SPATS2L: variants seen among roughly 807,000 people sequenced by gnomAD.
SPATS2L encodes the protein spermatogenesis associated serine rich 2 like, also known as SPATS2-like protein.
A neutral mutation model predicts 59.6 loss-of-function variants in SPATS2L; 30 were observed. The observed-to-expected ratio is 0.50, with a 90% confidence interval of 0.38 to 0.68. The LOEUF (loss-of-function observed/expected upper bound fraction) is 0.68, where lower values mean the gene tolerates loss of function less well. Among genes scored for constraint, SPATS2L ranks in the 30% least tolerant of loss-of-function variants. The pLI is 0.00. For synonymous variants in SPATS2L, 252 were observed against 263.5 expected (o/e 0.96, Z 0.42); for missense variants, 615 against 700.0 (o/e 0.88, Z 1.37).
At chr2:200,386,671 A>G (rs1447147189) in intron 2 of SPATS2L, among the ~76,000 whole-genome samples, 2 of 152,240 alleles carry the variant, frequency 1.3e-5, no homozygotes, top group Non-Finnish European at 2.9e-5. Context: ...TAGATTTCAC[A>G]TATCTGTAAT....
intron 3 of SPATS2L, among the ~76,000 whole-genome samples, chr2:200,404,310 TGAAA>T (rs2105965645): frequency 6.6e-6 from 1 of 152,322 alleles, no homozygotes; most frequent in East Asian, 1.9e-4. Context: ...TCTGGGTTAA[TGAAA>T]GAAAGAATAG....
Position 200,481,558 on chromosome 2 carries a change from T to G in SPATS2L, c.*3527T>G, listed in dbSNP as rs2087775131. The G allele has an allele frequency of 6.6e-6, 1 of 152,324 alleles. No individual in the cohort carries two copies. The highest frequency in any genetic ancestry group is 1.5e-5 in the Non-Finnish European group (1 of 68,068). The allele number at this position is 152,324 out of a possible 1,614,324, so 9.4% of individuals were successfully genotyped here. On this transcript the variant is annotated 3_prime_UTR_variant, in exon 13 of 13. Transcript: ENST00000409140. Reference sequence around the variant, plus strand: ...AGCTTTCTTCCTCCCTCCCTCCCTTTGCACGCTGCATCCCACGCTGCCTGC... The same window carrying G: ...AGCTTTCTTCCTCCCTCCCTCCCTTGGCACGCTGCATCCCACGCTGCCTGC...
chr2:200,389,606 G>A, intron 3 of SPATS2L: 1 of 254,900 alleles, frequency 3.9e-6, no homozygotes, highest in Non-Finnish European at 7.6e-6. Flanking sequence ...GTAAACAGCA[G>A]AGCTGGGATT....
intron 2 of SPATS2L, among the ~76,000 whole-genome samples, chr2:200,384,994 C>G (rs959165400): frequency 6.6e-6 from 1 of 152,088 alleles, no homozygotes; most frequent in Non-Finnish European, 1.5e-5. Flanking sequence ...ATAGTTAGCC[C>G]GCAGTAATTG....
Position 200,478,967 on chromosome 2 carries a change from G to C in SPATS2L, c.*936G>C, listed in dbSNP as rs2087715267. 6.6e-6 allele frequency: 1 copy of C among 151,180 alleles called. No individual in the cohort carries two copies. Among genetic ancestry groups the C allele is most frequent in the Non-Finnish European group, 1.5e-5 (1 of 67,998 alleles). The allele number at this position is 151,180 out of a possible 1,614,324, so 9.4% of individuals were successfully genotyped here. A position where few individuals can be genotyped will look rare whatever the true frequency, so the allele number is the denominator to read the frequency against. ...TCACCCAGGTGGAGTGCAATGGCAT[G>C]ATCTCGGCTCACTGCAACCTCCGCC... On this transcript the variant is annotated 3_prime_UTR_variant, in exon 13 of 13. Transcript: ENST00000409140.
chr2:200,448,191 C>T (rs2085183171), intron 8 of SPATS2L, among the ~76,000 whole-genome samples: 2 of 152,140 alleles, frequency 1.3e-5, no homozygotes, highest in South Asian at 4.1e-4. Flanking sequence ...CCTGTAATCC[C>T]AGCACTTTGG....
intron 1 of SPATS2L, among the ~76,000 whole-genome samples, chr2:200,317,495 A>G (rs2079418991): frequency 6.6e-6 from 1 of 152,176 alleles, no homozygotes; most frequent in African/African-American, 2.4e-5. Flanking sequence ...TATGTTGAAT[A>G]ATTTTATAGA....
chr2:200,438,972 A>C, intron 6 of SPATS2L, 150 bp from the exon 7 acceptor site: 1 of 641,806 alleles, frequency 1.6e-6, no homozygotes. Flanking sequence ...TCTTCTGGGG[A>C]TTCTTTTAAA....
intron 2 of SPATS2L, among the ~76,000 whole-genome samples, chr2:200,362,472 G>A (rs1250574339): frequency 1.3e-5 from 2 of 152,168 alleles, no homozygotes; most frequent in Admixed American, 6.5e-5. Flanking sequence ...TCAAATTCTT[G>A]TCACACTTCA....
intron 8 of SPATS2L, among the ~76,000 whole-genome samples, chr2:200,446,921 G>A (rs1197136434): frequency 6.6e-6 from 1 of 152,128 alleles, no homozygotes; most frequent in African/African-American, 2.4e-5. Flanking sequence ...TTACATTTTT[G>A]TCTCATTGAG....
At chr2:200,363,519 GT>G (rs1369115142) in intron 2 of SPATS2L, among the ~76,000 whole-genome samples, 1 of 152,118 alleles carries the variant, frequency 6.6e-6, no homozygotes, top group Non-Finnish European at 1.5e-5. Flanking sequence ...TCTGGCTTTT[GT>G]TATTGAGAAA....
intron 4 of SPATS2L, among the ~76,000 whole-genome samples, chr2:200,415,959 C>G (rs1296775157): frequency 6.6e-6 from 1 of 152,050 alleles, no homozygotes; most frequent in Non-Finnish European, 1.5e-5. Flanking sequence ...AATGGCCAAA[C>G]AGAAAGCTGT....
chr2:200,425,856 T>C (rs1384174857), intron 6 of SPATS2L, among the ~76,000 whole-genome samples: 1 of 152,060 alleles, frequency 6.6e-6, no homozygotes, highest in Non-Finnish European at 1.5e-5. Flanking sequence ...ATAAATGTTA[T>C]AAAGGCAGCA....
At chr2:200,447,187 C>G (rs553279901) in intron 8 of SPATS2L, among the ~76,000 whole-genome samples, 1 of 152,218 alleles carries the variant, frequency 6.6e-6, no homozygotes, top group Non-Finnish European at 1.5e-5. Flanking sequence ...AAGATAAATA[C>G]AGTAAGGACT....
At chr2:200,455,397 G>A (rs1195469842) in intron 8 of SPATS2L, among the ~76,000 whole-genome samples, 4 of 152,184 alleles carry the variant, frequency 2.6e-5, no homozygotes, top group Admixed American at 1.3e-4. Context: ...AGAGGGAAGG[G>A]CTTGTTTCAA....
intron 6 of SPATS2L, among the ~76,000 whole-genome samples, chr2:200,434,917 GT>G (rs2084179370): frequency 6.6e-6 from 1 of 152,114 alleles, no homozygotes; most frequent in African/African-American, 2.4e-5. Context: ...GAGTAAAGCA[GT>G]TACAGTAACT....
intron 6 of SPATS2L, among the ~76,000 whole-genome samples, chr2:200,422,898 A>T (rs2083373630): frequency 6.6e-6 from 1 of 152,174 alleles, no homozygotes; most frequent in Admixed American, 6.5e-5. Context: ...TCTCTCTCAA[A>T]ATATCTTATT....
chr2:200,372,471 TGTC>T (rs2081459315), intron 2 of SPATS2L, among the ~76,000 whole-genome samples: 4 of 152,066 alleles, frequency 2.6e-5, no homozygotes, highest in Admixed American at 1.3e-4. Context: ...CATGGTGGTT[TGTC>T]CTCACTGGGA....
rs115486124 is a variant in SPATS2L, at chr2:200,471,090, C to T, written c.1060+1074C>T. ...CAGGAGAATCACTTGAACCTGGACC[C>T]GGGAGGCAGAGATTGCAGTCAGTGG... is the stretch of plus-strand genomic sequence containing the variant. On this transcript the variant is annotated intron_variant, in intron 11 of 12. Coordinates refer to ENST00000409140, the MANE Select transcript of SPATS2L (RefSeq NM_001100423.2). 8.0e-3 allele frequency among the ~76,000 whole-genome samples: 1,217 copies of T among 152,052 alleles called. 21 individuals carry two copies. Among genetic ancestry groups the T allele is most frequent in the African/African-American group, 0.028 (1,160 of 41,442 alleles).
Sources: allele counts gnomAD v4.1 joint callset (sites outside exome capture counted in the v4.1 genomes callset), GRCh38; gene constraint gnomAD v4.1.1; transcripts MANE v1.5; gene names NCBI Gene and HGNC (gene_info 2026-07-23, HGNC 2026-07-21).